The following GRID2 variants were observed in gnomAD, a reference collection of about 807,000 sequenced individuals.
The protein encoded by GRID2 is glutamate receptor ionotropic, delta-2.
A neutral mutation model predicts 114.8 loss-of-function variants in GRID2; 33 were observed. The observed-to-expected ratio is 0.29, with a 90% CI of 0.22 to 0.38. The LOEUF (loss-of-function observed/expected upper bound fraction) is 0.38, where lower values mean the gene tolerates loss of function less well. GRID2 is among the 10% of genes least tolerant of loss of function. The pLI is 1.00. For missense variants in GRID2, 1,184 were observed against 1,257.7 expected (o/e 0.94, Z 0.89); for synonymous variants, 505 against 449.9 (o/e 1.12, Z -1.55).
intron 1 of GRID2, among the ~76,000 whole-genome samples, chr4:92,567,634 A>G (rs183216799): frequency 1.3e-5 from 2 of 152,204 alleles, no homozygotes; most frequent in African/African-American, 4.8e-5. Flanking sequence ...AAAAGCATCT[A>G]CAAGGTGAAG....
chr4:92,544,954 A>T (rs939540724), intron 1 of GRID2, among the ~76,000 whole-genome samples: 1 of 151,902 alleles, frequency 6.6e-6, no homozygotes, highest in Admixed American at 6.6e-5. Flanking sequence ...CTACTTTTAC[A>T]CCTTTATTCT....
intron 1 of GRID2, among the ~76,000 whole-genome samples, chr4:92,511,823 G>T (rs1349488946): frequency 6.6e-6 from 1 of 151,766 alleles, no homozygotes; most frequent in Non-Finnish European, 1.5e-5. Context: ...TACACATAAT[G>T]TAAAATTTTC....
At chr4:93,334,558 T>G (rs1758833605) in intron 8 of GRID2, among the ~76,000 whole-genome samples, 1 of 152,188 alleles carries the variant, frequency 6.6e-6, no homozygotes, top group Non-Finnish European at 1.5e-5. Context: ...GATCTGGTGG[T>G]TATATTGGAC....
intron 8 of GRID2, among the ~76,000 whole-genome samples, chr4:93,367,512 T>G (rs983304658): frequency 1.3e-5 from 2 of 152,124 alleles, no homozygotes; most frequent in African/African-American, 4.8e-5. Flanking sequence ...CATCCTTGGT[T>G]TAAAATAGCC....
At chr4:93,599,432 T>TTC (rs1739449747) in intron 13 of GRID2, among the ~76,000 whole-genome samples, 2 of 152,216 alleles carry the variant, frequency 1.3e-5, no homozygotes, top group Non-Finnish European at 2.9e-5. Flanking sequence ...TGAAAAAAGC[T>TTC]TTTAGATGAT....
intron 3 of GRID2, among the ~76,000 whole-genome samples, chr4:93,087,032 T>TTATTTATG (rs1448988389): frequency 6.6e-6 from 1 of 151,340 alleles, no homozygotes; most frequent in Non-Finnish European, 1.5e-5. Flanking sequence ...ATTTATTTAT[T>TTATTTATG]TATTTATTTA....
At chr4:93,263,515 T>G (rs1750482087) in intron 8 of GRID2, among the ~76,000 whole-genome samples, 1 of 152,088 alleles carries the variant, frequency 6.6e-6, no homozygotes, top group Non-Finnish European at 1.5e-5. Flanking sequence ...GAAAAATATA[T>G]CCTTCTCATT....
chr4:93,451,482 T>C (rs955411777), intron 10 of GRID2, among the ~76,000 whole-genome samples: 1 of 152,072 alleles, frequency 6.6e-6, no homozygotes, highest in Admixed American at 6.6e-5. Context: ...GGGAAAATGG[T>C]ACAGTATGAA....
intron 1 of GRID2, among the ~76,000 whole-genome samples, chr4:92,466,856 TA>T (rs1721777984): frequency 1.3e-5 from 2 of 151,842 alleles, no homozygotes; most frequent in South Asian, 4.1e-4. Flanking sequence ...TATATATATG[TA>T]AACATACCAC....
chr4:93,446,516 T>A (rs1483139768), intron 10 of GRID2, among the ~76,000 whole-genome samples: 1 of 151,988 alleles, frequency 6.6e-6, no homozygotes, highest in Non-Finnish European at 1.5e-5. Flanking sequence ...AAATACCTAA[T>A]AGAGATCAGG....
chr4:93,495,750 A>G (rs1727473654), intron 12 of GRID2, among the ~76,000 whole-genome samples: 1 of 151,716 alleles, frequency 6.6e-6, no homozygotes, highest in South Asian at 2.1e-4. Flanking sequence ...AGGGCTACTT[A>G]ATTTGATAAT....
intron 2 of GRID2, among the ~76,000 whole-genome samples, chr4:92,776,838 G>A (rs1738825522): frequency 1.3e-5 from 2 of 151,926 alleles, no homozygotes; most frequent in Admixed American, 1.3e-4. Context: ...ATTAATGAAG[G>A]TAGTATATCA....
intron 14 of GRID2, among the ~76,000 whole-genome samples, chr4:93,761,214 T>C (rs1238363026): frequency 6.6e-6 from 1 of 152,166 alleles, no homozygotes; most frequent in Admixed American, 6.5e-5. Context: ...TAATACACTA[T>C]TGAAAGAGCA....
At chr4:92,565,846 T>G (rs1560714845) in intron 1 of GRID2, among the ~76,000 whole-genome samples, 1 of 152,096 alleles carries the variant, frequency 6.6e-6, no homozygotes, top group East Asian at 1.9e-4. Context: ...GGTTTGTTAT[T>G]GCTGTGTAAC....
intron 2 of GRID2, among the ~76,000 whole-genome samples, chr4:92,770,105 G>C (rs1213633829): frequency 6.6e-6 from 1 of 152,052 alleles, no homozygotes; most frequent in Non-Finnish European, 1.5e-5. Context: ...TGAATGCTTC[G>C]TTGCTTAGAA....
At chr4:92,708,846 G>A (rs1029262705) in intron 2 of GRID2, among the ~76,000 whole-genome samples, 4 of 152,198 alleles carry the variant, frequency 2.6e-5, no homozygotes, top group East Asian at 3.9e-4. Flanking sequence ...GTATCCAGGC[G>A]GCGGAGGTTG....
In GRID2 at chr4:93,577,479, G is replaced by A. The variant is rs116722673; in HGVS notation, c.2194-48790G>A. On this transcript the variant is annotated intron_variant, in intron 13 of 15. Coordinates refer to ENST00000282020, the MANE Select transcript of GRID2 (RefSeq NM_001510.4). ...CAAATTCAGTCAAGATTTAGGATAT[G>A]AAGAAAGAGTATTGAAAATACATTG... Among the ~76,000 whole-genome samples, 611 of 152,328 alleles carry A rather than the reference G, an allele frequency of 4.0e-3. 2 individuals are homozygous for A. Among genetic ancestry groups the A allele is most frequent in the African/African-American group, 0.014 (593 of 41,578 alleles).
chr4:93,152,862 T>G (rs1736856375), intron 4 of GRID2, among the ~76,000 whole-genome samples: 1 of 152,086 alleles, frequency 6.6e-6, no homozygotes, highest in Non-Finnish European at 1.5e-5. Flanking sequence ...CTTGGAAGCA[T>G]AGTTTAAAAA....
chr4:93,601,965 T>C (rs1406324135), intron 13 of GRID2, among the ~76,000 whole-genome samples: 1 of 152,204 alleles, frequency 6.6e-6, no homozygotes, highest in Non-Finnish European at 1.5e-5. Flanking sequence ...CCTTGTGTAA[T>C]GTGTAATAGA....
Sources: gnomAD v4.1 joint callset for allele counts (sites outside exome capture counted in the v4.1 genomes callset) on GRCh38, gnomAD v4.1.1 for gene constraint, MANE v1.5 for transcripts, NCBI Gene and HGNC (gene_info 2026-07-23, HGNC 2026-07-21) for gene names.